ANAPC10: variants seen among roughly 807,000 people sequenced by gnomAD.
ANAPC10 encodes the protein anaphase-promoting complex subunit 10.
In ANAPC10, 12 loss-of-function variants were observed where a neutral mutation model predicts 22.0. That is an observed-to-expected ratio of 0.55 (90% CI 0.35 to 0.88). The LOEUF (loss-of-function observed/expected upper bound fraction) is 0.88, where lower values mean the gene tolerates loss of function less well. ANAPC10 is among the 40% of genes least tolerant of loss of function. The pLI is 0.01. For synonymous variants in ANAPC10, 65 were observed against 69.5 expected (o/e 0.94, Z 0.32); for missense variants, 188 against 220.9 (o/e 0.85, Z 0.94).
intron 4 of ANAPC10, among the ~76,000 whole-genome samples, chr4:144,996,163 A>G (rs756346784): frequency 3.9e-5 from 6 of 152,182 alleles, no homozygotes; most frequent in Non-Finnish European, 8.8e-5. Context: ...TGGGGAAACA[A>G]TATGAGAGAT....
At chr4:145,090,349 C>T (rs531102249) in intron 2 of ANAPC10, among the ~76,000 whole-genome samples, 1 of 152,260 alleles carries the variant, frequency 6.6e-6, no homozygotes, top group East Asian at 1.9e-4. Context: ...TTTCAACCCT[C>T]AGTTAGTTGA....
At chr4:145,067,440 C>T (rs1034138772) in intron 3 of ANAPC10, among the ~76,000 whole-genome samples, 1 of 152,126 alleles carries the variant, frequency 6.6e-6, no homozygotes, top group Non-Finnish European at 1.5e-5. Context: ...TATCCCCTCA[C>T]TCACTACACG....
chr4:145,047,034 G>A (rs1740414128), intron 4 of ANAPC10, among the ~76,000 whole-genome samples: 1 of 152,072 alleles, frequency 6.6e-6, no homozygotes, highest in African/African-American at 2.4e-5. Flanking sequence ...TTAGGTTCAT[G>A]GTAGATGTTT....
At chr4:145,066,559 T>C (rs919979499) in intron 3 of ANAPC10, among the ~76,000 whole-genome samples, 1 of 152,052 alleles carries the variant, frequency 6.6e-6, no homozygotes, top group Non-Finnish European at 1.5e-5. Context: ...CGTTTCTAAA[T>C]TGTGAAATTC....
intron 4 of ANAPC10, among the ~76,000 whole-genome samples, chr4:145,018,884 C>T (rs1314899099): frequency 6.6e-6 from 1 of 152,002 alleles, no homozygotes; most frequent in Non-Finnish European, 1.5e-5. Context: ...AGGCCTTGTC[C>T]AACAGGAAAA....
chr4:145,002,755 A>G (rs1281889912), intron 4 of ANAPC10, among the ~76,000 whole-genome samples: 1 of 152,192 alleles, frequency 6.6e-6, no homozygotes, highest in African/African-American at 2.4e-5. Flanking sequence ...CAGATTAATC[A>G]TATTTAACTA....
intron 4 of ANAPC10, among the ~76,000 whole-genome samples, chr4:145,059,521 T>C (rs1316229592): frequency 6.6e-6 from 1 of 152,118 alleles, no homozygotes; most frequent in Non-Finnish European, 1.5e-5. Context: ...GCTCTATCAA[T>C]ATTTTATCCT....
intron 4 of ANAPC10, among the ~76,000 whole-genome samples, chr4:144,997,941 A>C (rs1278676494): frequency 6.6e-6 from 1 of 152,222 alleles, no homozygotes; most frequent in African/African-American, 2.4e-5. Flanking sequence ...CTAGTCTCTG[A>C]TAAAATAGAC....
chr4:145,016,024 G>A (rs939782497), intron 4 of ANAPC10, among the ~76,000 whole-genome samples: 2 of 152,074 alleles, frequency 1.3e-5, no homozygotes, highest in African/African-American at 2.4e-5. Flanking sequence ...TACTGAATGG[G>A]CAAAAACTGG....
At chr4:145,007,834 A>C (rs1733644903) in intron 4 of ANAPC10, among the ~76,000 whole-genome samples, 1 of 148,946 alleles carries the variant, frequency 6.7e-6, no homozygotes, top group African/African-American at 2.5e-5. Flanking sequence ...ATCAGAGCAG[A>C]ATTGAAGGAC....
Position 145,042,917 on chromosome 4 carries a change from TA to T in ANAPC10, c.327+21654del, listed in dbSNP as rs35715637. On this transcript the variant is annotated intron_variant, in intron 4 of 4. Transcript: ENST00000507656. ...AATAACAGGTAAAGAAAAAATTGTC[TA>T]AAAAAAAAACAAAATAAAGTGTTTT... is the stretch of plus-strand genomic sequence containing the variant. Among the ~76,000 whole-genome samples the T allele has an allele frequency of 5.9e-3, 846 of 143,766 alleles. 5 individuals are homozygous for T. The highest frequency in any genetic ancestry group is 0.019 in the African/African-American group (764 of 39,270). 94.3% of individuals were successfully genotyped at this position (143,766 alleles called of 152,430 possible). A position where few individuals can be genotyped will look rare whatever the true frequency, so the allele number is the denominator to read the frequency against.
intron 4 of ANAPC10, among the ~76,000 whole-genome samples, chr4:145,001,544 T>C (rs1192158456): frequency 6.6e-6 from 1 of 152,182 alleles, no homozygotes; most frequent in Non-Finnish European, 1.5e-5. Flanking sequence ...AGTTCTTAAA[T>C]ACTGTAAGAT....
intron 4 of ANAPC10, among the ~76,000 whole-genome samples, chr4:145,011,294 G>T (rs560255054): frequency 6.8e-6 from 1 of 147,784 alleles, no homozygotes; most frequent in Non-Finnish European, 1.5e-5. Context: ...CCAAGATTGC[G>T]CCACTGTACT....
chr4:145,025,552 C>T (rs140413144), intron 4 of ANAPC10, among the ~76,000 whole-genome samples: 1 of 152,034 alleles, frequency 6.6e-6, no homozygotes, highest in African/African-American at 2.4e-5. Context: ...ACACAGTTAT[C>T]GATTGGGTTT....
intron 3 of ANAPC10, among the ~76,000 whole-genome samples, chr4:145,076,383 C>T (rs1745200319): frequency 6.6e-6 from 1 of 152,124 alleles, no homozygotes; most frequent in African/African-American, 2.4e-5. Flanking sequence ...TCAACTAAAC[C>T]CAACTTGTAC....
intron 4 of ANAPC10, among the ~76,000 whole-genome samples, chr4:145,028,477 T>C (rs576049612): frequency 6.6e-6 from 1 of 152,204 alleles, no homozygotes; most frequent in South Asian, 2.1e-4. Flanking sequence ...ATCATATATA[T>C]ACATATCTCC....
chr4:145,028,335 A>T (rs1255411362), intron 4 of ANAPC10, among the ~76,000 whole-genome samples: 1 of 151,826 alleles, frequency 6.6e-6, no homozygotes, highest in African/African-American at 2.4e-5. Context: ...CCCATGATGG[A>T]TGCTTCCTGC....
intron 3 of ANAPC10, among the ~76,000 whole-genome samples, chr4:145,072,331 T>C (rs942921207): frequency 2.6e-5 from 4 of 152,198 alleles, no homozygotes; most frequent in Non-Finnish European, 5.9e-5. Context: ...ACAATATATG[T>C]TCACCTTAAC....
intron 4 of ANAPC10, among the ~76,000 whole-genome samples, chr4:144,999,893 A>ACAC (rs976836151): frequency 1.1e-4 from 16 of 152,304 alleles, no homozygotes; most frequent in African/African-American, 3.8e-4. Context: ...CTCAGAAATA[A>ACAC]CACCACATAT....
Sources: allele counts gnomAD v4.1 joint callset (sites outside exome capture counted in the v4.1 genomes callset), GRCh38; gene constraint gnomAD v4.1.1; transcripts MANE v1.5; gene names NCBI Gene and HGNC (gene_info 2026-07-23, HGNC 2026-07-21).